The following SLC38A10 variants were observed in gnomAD, a reference collection of about 807,000 sequenced individuals.
SLC38A10 encodes Sodium-coupled neutral amino acid transporter 10.
Under a neutral mutation model 81.0 loss-of-function variants are expected in SLC38A10, and 53 were observed. The observed-to-expected ratio is 0.65, with a 90% CI of 0.53 to 0.82. The LOEUF (loss-of-function observed/expected upper bound fraction) is 0.82, where lower values mean the gene tolerates loss of function less well. Ranked by LOEUF, SLC38A10 falls within the 40% of genes least tolerant of loss-of-function variation. SLC38A10 has a pLI of 0.00. For synonymous variants in SLC38A10, 665 were observed against 655.3 expected (o/e 1.01, Z -0.23); for missense variants, 1,471 against 1,545.0 (o/e 0.95, Z 0.80).
Position 81,265,309 on chromosome 17 carries a change from A to C in SLC38A10, c.1132-4915T>G, listed in dbSNP as rs1034319677. 6.6e-6 allele frequency: 1 copy of C among 152,342 alleles called. No individual in the cohort carries two copies. The highest frequency in any genetic ancestry group is 2.1e-4 in the South Asian group (1 of 4,830). The allele number at this position is 152,342 out of a possible 1,614,324, so 9.4% of individuals were successfully genotyped here. A position where few individuals can be genotyped will look rare whatever the true frequency, so the allele number is the denominator to read the frequency against. The stretch of plus-strand genomic sequence containing the variant: ...TGAGGCTGGACAATCACTTGAACCC[A>C]GGAGGCGGAGCTTGCAGTGAGCTGA... On this transcript the variant is annotated intron_variant, in intron 10 of 15. Transcript: ENST00000374759. The surrounding 1 kb of genome is among the most constrained non-coding windows in gnomAD (Gnocchi z 4.2).
At position 81,275,530 on chromosome 17, in the gene SLC38A10, G is replaced by A. The variant is rs570233002; in HGVS notation, c.912+439C>T. Among the ~76,000 whole-genome samples the A allele has an allele frequency of 7.2e-3, 1,085 of 151,284 alleles. 14 individuals are homozygous for A. The highest frequency in any genetic ancestry group is 0.025 in the African/African-American group (1,023 of 41,030). ...GGGCGGATCACGAGGTCAGGAGATCGAGACCATCCTGGCTAACACGGTGAA... is the reference window on the plus strand; with the variant it reads ...GGGCGGATCACGAGGTCAGGAGATCAAGACCATCCTGGCTAACACGGTGAA... On this transcript the variant is annotated intron_variant, in intron 8 of 15. Coordinates refer to ENST00000374759, the MANE Select transcript of SLC38A10 (RefSeq NM_001037984.3).
Position 81,253,049 on chromosome 17 carries a change from G to A in SLC38A10, c.1456+24C>T, listed in dbSNP as rs368906549. 6.7e-5 allele frequency: 107 copies of A among 1,605,554 alleles called. No homozygotes were observed. Among genetic ancestry groups the A allele is most frequent in the Admixed American group, 2.0e-4 (12 of 59,894 alleles). ...GACCCGGGGCCGCCCTTCCCCATCCGCACCCCCAGCCAGTGCCCAGCACCT... is the reference window on the plus strand; with the variant it reads ...GACCCGGGGCCGCCCTTCCCCATCCACACCCCCAGCCAGTGCCCAGCACCT... On this transcript the variant is annotated intron_variant, in intron 12 of 15. Coordinates refer to ENST00000374759, the MANE Select transcript of SLC38A10 (RefSeq NM_001037984.3). This position sits in a 1 kb window ranked among gnomAD's most constrained non-coding sequence, Gnocchi z 4.1.
chr17:81,283,610 C>A lies in SLC38A10; in HGVS notation c.264-108G>T, dbSNP rs1487068019. 140 of 660,512 alleles carry A rather than the reference C, an allele frequency of 2.1e-4. 3 individuals are homozygous for A. Among genetic ancestry groups the A allele is most frequent in the South Asian group, 1.8e-3 (97 of 53,698 alleles). 40.9% of individuals were successfully genotyped at this position (660,512 alleles called of 1,614,324 possible). A position where few individuals can be genotyped will look rare whatever the true frequency, so the allele number is the denominator to read the frequency against. ...CTGGGCTGAATGACAGATGTGATTT[C>A]TTTTTTCTTTTTTTTTTTTTTGAAA... On this transcript the variant is annotated intron_variant, in intron 3 of 15. Transcript: ENST00000374759. The surrounding 1 kb of genome is among the most constrained non-coding windows in gnomAD (Gnocchi z 4.7).
At chr17:81,271,362 G>A (rs1462534009) in intron 9 of SLC38A10, among the ~76,000 whole-genome samples, 1 of 152,168 alleles carries the variant, frequency 6.6e-6, no homozygotes, top group African/African-American at 2.4e-5. Flanking sequence ...CCCTAGGAAG[G>A]CAGGACCTAT....
At position 81,282,316 on chromosome 17, in the gene SLC38A10, C is replaced by T. The variant is rs766233164; in HGVS notation, c.374G>A (p.Arg125His). 5.6e-6 allele frequency: 9 copies of T among 1,612,106 alleles called. No individual in the cohort carries two copies. Among genetic ancestry groups the T allele is most frequent in the African/African-American group, 1.3e-5 (1 of 75,050 alleles). Residue 125 changes from arginine to histidine, a missense_variant, in exon 5 of 16, where the codon CGC becomes CAC. Coordinates refer to ENST00000374759, the MANE Select transcript of SLC38A10 (RefSeq NM_001037984.3). ...CGACACGGCGAACAGCAGGAACATG[C>T]GGAAGGTGCCGCCCACCTGCGGGGA... ...LFGFQVGGTF[R>H]MFLLFAVSLC... is the part of the protein sequence containing the mutation.
At chr17:81,259,960 G>C (rs955905200) in intron 11 of SLC38A10, among the ~76,000 whole-genome samples, 1 of 152,192 alleles carries the variant, frequency 6.6e-6, no homozygotes, top group Non-Finnish European at 1.5e-5. Flanking sequence ...CTAGCCCACC[G>C]AGTGGCAGGC....
chr17:81,292,908 C>T (rs147743246), intron 1 of SLC38A10, among the ~76,000 whole-genome samples: 9,592 of 152,236 alleles, frequency 0.063, 364 homozygotes, highest in East Asian at 0.13. Flanking sequence ...CTTTGGGAGG[C>T]CGAGGTGGGT....
intron 11 of SLC38A10, among the ~76,000 whole-genome samples, chr17:81,257,442 C>T (rs1033778619): frequency 6.6e-6 from 1 of 152,218 alleles, no homozygotes; most frequent in Admixed American, 6.5e-5. Flanking sequence ...CGCGCCTCTC[C>T]TCCTCTTATA....
chr17:81,284,482 G>A (rs2063245316), intron 3 of SLC38A10, among the ~76,000 whole-genome samples: 3 of 152,106 alleles, frequency 2.0e-5, no homozygotes, highest in Non-Finnish European at 4.4e-5. Context: ...CAATCTCCCA[G>A]CGATTTTTTC....
At chr17:81,287,192 G>A (rs1451719545) in intron 2 of SLC38A10, among the ~76,000 whole-genome samples, 5 of 152,170 alleles carry the variant, frequency 3.3e-5, no homozygotes, top group African/African-American at 1.2e-4. Flanking sequence ...GGAGGACAGC[G>A]GGGAGGGTAA....
At chr17:81,268,467 G>A (rs2063088475) in intron 10 of SLC38A10, among the ~76,000 whole-genome samples, 1 of 151,144 alleles carries the variant, frequency 6.6e-6, no homozygotes, top group African/African-American at 2.4e-5. Context: ...GTGCAGTGGT[G>A]CTATCTCGGC....
rs367563237 is a variant in SLC38A10 at position 81,285,144 on chromosome 17, A to G, written c.218-249T>C. On this transcript the variant is annotated intron_variant, in intron 2 of 15. Coordinates refer to ENST00000374759, the MANE Select transcript of SLC38A10 (RefSeq NM_001037984.3). ...GCAGGTTCTTCTTTCACTCAATCAGATTTTTTAACAGACAAAGAGACAAGT... is the reference window on the plus strand; with the variant it reads ...GCAGGTTCTTCTTTCACTCAATCAGGTTTTTTAACAGACAAAGAGACAAGT... The G allele has an allele frequency of 2.5e-5, 10 of 407,472 alleles. No homozygotes were observed. The Admixed American group carries it at 3.6e-4, about 15-fold the overall frequency. 25.2% of individuals were successfully genotyped at this position (407,472 alleles called of 1,614,324 possible). A position where few individuals can be genotyped will look rare whatever the true frequency, so the allele number is the denominator to read the frequency against.
Position 81,286,553 on chromosome 17 carries a change from C to A in SLC38A10, c.218-1658G>T, listed in dbSNP as rs768601054. Reference sequence around the variant, plus strand: ...CCTTCACATCCTGCGTGGACTGGCACAGAGAAAGGGAGGAAGAGGCTGAAG... The same window carrying A: ...CCTTCACATCCTGCGTGGACTGGCAAAGAGAAAGGGAGGAAGAGGCTGAAG... On this transcript the variant is annotated intron_variant, in intron 2 of 15. Transcript: ENST00000374759. The surrounding 1 kb of genome is among the most constrained non-coding windows in gnomAD (Gnocchi z 6.0). 6.6e-6 allele frequency among the ~76,000 whole-genome samples: 1 copy of A among 152,212 alleles called. No homozygotes were observed.
At chr17:81,251,692 G>T (rs968104026) in intron 13 of SLC38A10, 80 bp from the exon 14 acceptor site, 8 of 1,400,746 alleles carry the variant, frequency 5.7e-6, no homozygotes, top group African/African-American at 2.9e-5. Flanking sequence ...AGAAGGCAAG[G>T]GCGGGACAAA....
chr17:81,290,949 T>C (rs1306454496), intron 1 of SLC38A10, among the ~76,000 whole-genome samples: 1 of 151,778 alleles, frequency 6.6e-6, no homozygotes, highest in Non-Finnish European at 1.5e-5. Flanking sequence ...GAGGTTGCAG[T>C]TGAGCCGAGA....
At position 81,294,850 on chromosome 17, in the gene SLC38A10, G is replaced by A. The variant is rs752856235; in HGVS notation, c.72C>T (p.Val24=). Residue 24 remains valine (V), a synonymous_variant, in exon 1 of 16, where the codon GTC becomes GTT. Coordinates refer to ENST00000374759, the MANE Select transcript of SLC38A10 (RefSeq NM_001037984.3). The part of the protein sequence containing the change: ...NIVNSIVGVS[V]LTMPFCFKQC... Reference sequence around the variant, plus strand: ...GTTTGAAGCAGAAGGGCATGGTGAGGACACTGACCCCTACGATGCTGTTCA... The same window carrying A: ...GTTTGAAGCAGAAGGGCATGGTGAGAACACTGACCCCTACGATGCTGTTCA... 6.3e-7 allele frequency: 1 copy of A among 1,598,334 alleles called. No homozygotes were observed. The highest frequency in any genetic ancestry group is 2.3e-5 in the East Asian group (1 of 42,600).
At chr17:81,269,442 G>A (rs1408916844) in intron 10 of SLC38A10, among the ~76,000 whole-genome samples, 2 of 152,156 alleles carry the variant, frequency 1.3e-5, no homozygotes, top group Non-Finnish European at 1.5e-5. Context: ...GAACCCAGGA[G>A]GCAGAAGTTG....
intron 11 of SLC38A10, among the ~76,000 whole-genome samples, chr17:81,255,995 T>A (rs1000170523): frequency 6.6e-6 from 1 of 152,066 alleles, no homozygotes; most frequent in Admixed American, 6.5e-5. Flanking sequence ...AAAAAAATCA[T>A]CTCCAGTCAC....
Position 81,288,991 on chromosome 17 carries a change from G to A in SLC38A10, c.217+700C>T, listed in dbSNP as rs572072861. 3.9e-5 allele frequency: 6 copies of A among 152,404 alleles called. No individual in the cohort carries two copies. The highest frequency in any genetic ancestry group is 3.9e-4 in the East Asian group (2 of 5,188). 9.4% of individuals were successfully genotyped at this position (152,404 alleles called of 1,614,324 possible). On this transcript the variant is annotated intron_variant, in intron 2 of 15. Transcript: ENST00000374759. This position sits in a 1 kb window ranked among gnomAD's most constrained non-coding sequence, Gnocchi z 5.4. ...GGGCATGGTGACAGGGAGACCTGGC[G>A]CCTCATACCCTTCTGTGTCACTCCA...
Sources: allele counts gnomAD v4.1 joint callset (sites outside exome capture counted in the v4.1 genomes callset), GRCh38; gene constraint gnomAD v4.1.1; non-coding constraint Gnocchi (gnomAD v3.1); transcripts MANE v1.5; gene names NCBI Gene and HGNC (gene_info 2026-07-23, HGNC 2026-07-21).